The following PPP3CC variants were observed in gnomAD, a reference collection of about 807,000 sequenced individuals.
PPP3CC encodes serine/threonine-protein phosphatase 2B catalytic subunit gamma isoform.
In PPP3CC, 35 loss-of-function variants were observed where a neutral mutation model predicts 60.3. That is an observed-to-expected ratio of 0.58 (90% CI 0.44 to 0.77). The LOEUF is 0.77. Ranked by LOEUF, PPP3CC falls within the 30% of genes least tolerant of loss-of-function variation. The pLI is 0.00. For synonymous variants in PPP3CC, 206 were observed against 224.3 expected (o/e 0.92, Z 0.73); for missense variants, 570 against 628.9 (o/e 0.91, Z 1.00).
intron 9 of PPP3CC, among the ~76,000 whole-genome samples, 197 bp from the exon 10 acceptor site, chr8:22,528,309 G>A (rs536907290): frequency 1.3e-5 from 2 of 152,336 alleles, no homozygotes; most frequent in South Asian, 4.1e-4. Flanking sequence ...TTTTACTGGA[G>A]CAAGTAATCT....
In PPP3CC at chr8:22,492,685, A is replaced by G. The variant is rs567093677; in HGVS notation, c.373-5316A>G. On this transcript the variant is annotated intron_variant, in intron 3 of 13. Coordinates refer to ENST00000240139, the MANE Select transcript of PPP3CC (RefSeq NM_005605.5). ...AGGCACAAGTGCGCATTGGTGGGAA[A>G]GAAATGGTTCACAGAAAGAAGAAGG... The G allele has an allele frequency of 2.6e-5, 22 of 831,094 alleles. No individual in the cohort carries two copies. In the South Asian group the frequency reaches 3.0e-4, roughly 11 times the overall value. 51.5% of individuals were successfully genotyped at this position (831,094 alleles called of 1,614,324 possible).
chr8:22,505,177 C>A (rs550138688), intron 4 of PPP3CC, among the ~76,000 whole-genome samples: 1 of 152,038 alleles, frequency 6.6e-6, no homozygotes, highest in Non-Finnish European at 1.5e-5. Context: ...CAGGCACGCA[C>A]CACCACGCCT....
At chr8:22,516,431 T>C (rs1439557005) in intron 6 of PPP3CC, among the ~76,000 whole-genome samples, 1 of 152,370 alleles carries the variant, frequency 6.6e-6, no homozygotes, top group Middle Eastern at 3.4e-3. Flanking sequence ...ACATGGCCTT[T>C]GATCCAGAAA....
chr8:22,540,558 G>T, intron 13 of PPP3CC, 57 bp from the exon 14 acceptor site: 4 of 1,526,200 alleles, frequency 2.6e-6, no homozygotes, highest in East Asian at 2.3e-5. Flanking sequence ...CTTTTTTTAA[G>T]CCTGTTGCTT....
chr8:22,479,837 G>T (rs911872782), intron 3 of PPP3CC, among the ~76,000 whole-genome samples: 9 of 152,006 alleles, frequency 5.9e-5, no homozygotes, highest in African/African-American at 1.9e-4. Flanking sequence ...GAAAAGAGAA[G>T]GTTAGGTTTT....
chr8:22,479,716 C>T (rs1263856148), intron 3 of PPP3CC, among the ~76,000 whole-genome samples: 1 of 147,184 alleles, frequency 6.8e-6, no homozygotes, highest in Non-Finnish European at 1.5e-5. Context: ...TGCACTCCAG[C>T]CTGGGTGACT....
In PPP3CC at chr8:22,444,805, A is replaced by G. The variant is rs113465704; in HGVS notation, c.49+3347A>G. The stretch of plus-strand genomic sequence containing the variant: ...GGGCACCATAACTGGTATCTAAGCC[A>G]GAGAACTAGGCACCCAAATGATTAA... On this transcript the variant is annotated intron_variant, in intron 1 of 13. Coordinates refer to ENST00000240139, the MANE Select transcript of PPP3CC (RefSeq NM_005605.5). Among the ~76,000 whole-genome samples the G allele has an allele frequency of 2.2e-3, 330 of 152,346 alleles. 1 individual carries two copies. Among genetic ancestry groups the G allele is most frequent in the African/African-American group, 7.6e-3 (317 of 41,574 alleles).
intron 3 of PPP3CC, among the ~76,000 whole-genome samples, chr8:22,485,323 A>C (rs928835890): frequency 3.9e-5 from 6 of 152,206 alleles, no homozygotes; most frequent in Non-Finnish European, 7.4e-5. Context: ...GAAAGAAAAA[A>C]GAGAGATCCC....
chr8:22,441,453 T>C lies in PPP3CC; in HGVS notation c.44T>C (p.Ile15Thr). ...RFHLSTTDRV[I>T]KAVPFPPTQR... is the part of the protein sequence containing the mutation. Reference sequence around the variant, plus strand: ...CACCTCTCCACCACCGACCGCGTCATCAAAGGTGCCTGGCGGGCCGGGCCT... The same window carrying C: ...CACCTCTCCACCACCGACCGCGTCACCAAAGGTGCCTGGCGGGCCGGGCCT... The change falls in exon 1 of 14, where the codon ATC (isoleucine) becomes ACC (threonine). Residue 15 changes from isoleucine (I) to threonine (T), a missense_variant. By Grantham distance (89) the Ile-to-Thr change is moderately conservative. Transcript: ENST00000240139. 1 of 1,545,130 alleles carries C rather than the reference T, an allele frequency of 6.5e-7. No individual in the cohort carries two copies. Among genetic ancestry groups the C allele is most frequent in the African/African-American group, 1.4e-5 (1 of 71,880 alleles).
intron 12 of PPP3CC, among the ~76,000 whole-genome samples, chr8:22,534,779 C>T (rs1284338816): frequency 6.6e-6 from 1 of 152,164 alleles, no homozygotes; most frequent in African/African-American, 2.4e-5. Flanking sequence ...GAATAATACT[C>T]AGCAATAAAA....
At chr8:22,478,036 G>C (rs1232526331) in intron 3 of PPP3CC, among the ~76,000 whole-genome samples, 1 of 152,128 alleles carries the variant, frequency 6.6e-6, no homozygotes, top group Non-Finnish European at 1.5e-5. Context: ...ATTTTTAGTA[G>C]AGACGGGGTT....
intron 1 of PPP3CC, among the ~76,000 whole-genome samples, chr8:22,454,548 G>C (rs180790747): frequency 6.6e-6 from 1 of 152,126 alleles, no homozygotes; most frequent in Non-Finnish European, 1.5e-5. Context: ...ATTTGTTATC[G>C]TTATATGACT....
chr8:22,481,387 TATTC>T lies in PPP3CC; in HGVS notation c.372+5769_372+5772del, dbSNP rs531124934. On this transcript the variant is annotated intron_variant, in intron 3 of 13. Transcript: ENST00000240139. ...ATAATAATAATAATAATAATGATAATATTCATTCAGCCAGTGATAAAAGATTTCC... is the reference window on the plus strand; with the variant it reads ...ATAATAATAATAATAATAATGATAATATTCAGCCAGTGATAAAAGATTTCC... Among the ~76,000 whole-genome samples, 434 of 149,238 alleles carry T rather than the reference TATTC, an allele frequency of 2.9e-3. 1 individual carries two copies. The highest frequency in any genetic ancestry group is 9.3e-3 in the African/African-American group (380 of 40,722).
At chr8:22,453,396 T>C (rs1036239356) in intron 1 of PPP3CC, among the ~76,000 whole-genome samples, 1 of 152,204 alleles carries the variant, frequency 6.6e-6, no homozygotes, top group African/African-American at 2.4e-5. Flanking sequence ...CCTTAGGCGA[T>C]TTCATCATTA....
intron 12 of PPP3CC, among the ~76,000 whole-genome samples, chr8:22,538,137 A>G (rs1293998406): frequency 1.3e-5 from 2 of 152,226 alleles, no homozygotes; most frequent in African/African-American, 4.8e-5. Flanking sequence ...AATGGCCCTT[A>G]CTGCAGGCTG....
chr8:22,475,295 G>C (rs1191017087), intron 2 of PPP3CC, 144 bp downstream of exon 2: 2 of 984,462 alleles, frequency 2.0e-6, no homozygotes, highest in Non-Finnish European at 3.0e-6. Context: ...TAGGATATTT[G>C]TTGTTAATTG....
At chr8:22,516,399 A>C (rs1025607113) in intron 6 of PPP3CC, among the ~76,000 whole-genome samples, 2 of 152,242 alleles carry the variant, frequency 1.3e-5, no homozygotes, top group African/African-American at 4.8e-5. Context: ...TCAACTTGGC[A>C]ATATCTTTCA....
rs190808097 is a variant in PPP3CC, at chr8:22,488,242, G to T, written c.373-9759G>T. ...ATAATTTTTCCTTGGAATATTTTGT[G>T]AAAATTGTTATCTTGGTAATGAAAT... On this transcript the variant is annotated intron_variant, in intron 3 of 13. Transcript: ENST00000240139. 7.9e-5 allele frequency among the ~76,000 whole-genome samples: 12 copies of T among 152,244 alleles called. No individual in the cohort carries two copies. The East Asian group carries it at 2.3e-3, about 29-fold the overall frequency.
chr8:22,473,459 C>T (rs1169470459), intron 1 of PPP3CC, among the ~76,000 whole-genome samples: 4 of 140,316 alleles, frequency 2.9e-5, no homozygotes. Flanking sequence ...ACTGGACTTC[C>T]CTTATCCACT....
Sources: gnomAD v4.1 joint callset for allele counts (sites outside exome capture counted in the v4.1 genomes callset) on GRCh38, gnomAD v4.1.1 for gene constraint, MANE v1.5 for transcripts, NCBI Gene and HGNC (gene_info 2026-07-23, HGNC 2026-07-21) for gene names.